The following IGF2BP2 variants were observed in gnomAD, a reference collection of about 807,000 sequenced individuals.
IGF2BP2 encodes insulin like growth factor 2 mRNA binding protein 2, also known as insulin-like growth factor 2 mRNA-binding protein 2.
In IGF2BP2, 17 loss-of-function variants were observed where a neutral mutation model predicts 75.8. That is an observed-to-expected ratio of 0.22 (90% CI 0.15 to 0.34). The LOEUF (loss-of-function observed/expected upper bound fraction) is 0.34, where lower values mean the gene tolerates loss of function less well. Among genes scored for constraint, IGF2BP2 ranks in the 10% least tolerant of loss-of-function variants. IGF2BP2 has a pLI of 1.00. For synonymous variants in IGF2BP2, 288 were observed against 295.6 expected, an observed-to-expected ratio of 0.97 and a Z score of 0.26; for missense variants, 516 against 772.4, an observed-to-expected ratio of 0.67 and a Z score of 3.93.
intron 10 of IGF2BP2, among the ~76,000 whole-genome samples, chr3:185,668,670 C>G (rs2149191583): frequency 6.6e-6 from 1 of 150,584 alleles, no homozygotes; most frequent in African/African-American, 2.4e-5. Context: ...CATAAGACAC[C>G]ACAAATAAAG....
At chr3:185,747,412 C>T (rs541771519) in intron 2 of IGF2BP2, among the ~76,000 whole-genome samples, 21 of 152,224 alleles carry the variant, frequency 1.4e-4, no homozygotes, top group Non-Finnish European at 2.2e-4. Context: ...GGTGCAGTGG[C>T]TCACACCTGT....
intron 4 of IGF2BP2, among the ~76,000 whole-genome samples, chr3:185,694,944 A>T (rs905176077): frequency 6.6e-6 from 1 of 152,094 alleles, no homozygotes. Flanking sequence ...AAAATTAGCC[A>T]GGCATGGTGG....
intron 2 of IGF2BP2, among the ~76,000 whole-genome samples, chr3:185,796,901 C>T (rs569476501): frequency 3.3e-5 from 5 of 152,250 alleles, no homozygotes; most frequent in Admixed American, 6.5e-5. Flanking sequence ...AGCAACATAC[C>T]GTTGTCATCA....
intron 10 of IGF2BP2, among the ~76,000 whole-genome samples, chr3:185,658,804 T>C (rs1483056107): frequency 1.3e-5 from 2 of 152,062 alleles, no homozygotes; most frequent in Non-Finnish European, 2.9e-5. Flanking sequence ...TTCTGGAGAA[T>C]GATGAGTCGT....
intron 2 of IGF2BP2, among the ~76,000 whole-genome samples, chr3:185,710,813 T>G (rs1222236888): frequency 6.6e-6 from 1 of 151,966 alleles, no homozygotes; most frequent in African/African-American, 2.4e-5. Flanking sequence ...AAAAGGAAAT[T>G]TTTTACGCTA....
At position 185,783,673 on chromosome 3, in the gene IGF2BP2, T is replaced by C. The variant is rs189720334; in HGVS notation, c.239+39480A>G. ...TTGTGCATAACCAGTAGCTCAGCTA[T>C]GCTTCCCCATCTATGATGTAAATCT... On this transcript the variant is annotated intron_variant, in intron 2 of 15. Transcript: ENST00000382199. Among the ~76,000 whole-genome samples, 18 of 152,352 alleles carry C rather than the reference T, an allele frequency of 1.2e-4. No individual in the cohort carries two copies. The East Asian group carries it at 3.3e-3, about 28-fold the overall frequency.
chr3:185,654,642 G>A (rs951687616), intron 12 of IGF2BP2, among the ~76,000 whole-genome samples: 14 of 152,294 alleles, frequency 9.2e-5, no homozygotes, highest in South Asian at 2.1e-4. Flanking sequence ...GTGCAGTTTT[G>A]GAATGTCATT....
intron 2 of IGF2BP2, among the ~76,000 whole-genome samples, chr3:185,775,216 T>G (rs1003722307): frequency 6.6e-6 from 1 of 152,214 alleles, no homozygotes; most frequent in East Asian, 1.9e-4. Context: ...AATACCTGCC[T>G]TGTGAGAGCT....
intron 2 of IGF2BP2, among the ~76,000 whole-genome samples, chr3:185,733,088 T>A (rs1281547886): frequency 1.3e-5 from 2 of 152,228 alleles, no homozygotes; most frequent in African/African-American, 4.8e-5. Context: ...ACAATAAAGC[T>A]GATAGTCATA....
At chr3:185,722,471 GGATTT>G (rs1187827014) in intron 2 of IGF2BP2, 1 of 300,054 alleles carries the variant, frequency 3.3e-6, no homozygotes, top group Non-Finnish European at 6.5e-6. Context: ...CAGTATTGAT[GGATTT>G]AAGTTTTCAA....
intron 2 of IGF2BP2, among the ~76,000 whole-genome samples, chr3:185,719,098 T>G (rs528546297): frequency 1.3e-5 from 2 of 151,966 alleles, no homozygotes; most frequent in East Asian, 3.9e-4. Context: ...CAAGAGAAAA[T>G]AGGGTACATC....
At chr3:185,747,292 T>C (rs144988122) in intron 2 of IGF2BP2, among the ~76,000 whole-genome samples, 22 of 152,296 alleles carry the variant, frequency 1.4e-4, no homozygotes, top group Non-Finnish European at 3.2e-4. Context: ...ATTTATCACT[T>C]TTTCTCACTA....
intron 2 of IGF2BP2, among the ~76,000 whole-genome samples, chr3:185,705,435 CCAG>C (rs2149390649): frequency 6.6e-6 from 1 of 152,224 alleles, no homozygotes; most frequent in Non-Finnish European, 1.5e-5. Flanking sequence ...AGTTATGAAC[CCAG>C]TAACTTCCCT....
intron 2 of IGF2BP2, among the ~76,000 whole-genome samples, chr3:185,775,005 G>A (rs1287372832): frequency 6.6e-6 from 1 of 151,586 alleles, no homozygotes; most frequent in East Asian, 1.9e-4. Flanking sequence ...GGGCAACAGA[G>A]TCAGACTCCG....
chr3:185,782,474 T>C (rs1389514352), intron 2 of IGF2BP2, among the ~76,000 whole-genome samples: 2 of 152,094 alleles, frequency 1.3e-5, no homozygotes, highest in African/African-American at 4.8e-5. Flanking sequence ...AATTAACCTT[T>C]TGGGCATGGT....
intron 2 of IGF2BP2, among the ~76,000 whole-genome samples, chr3:185,815,126 T>C (rs1201245202): frequency 6.6e-6 from 1 of 152,148 alleles, no homozygotes; most frequent in African/African-American, 2.4e-5. Context: ...TTTTTACACT[T>C]AACTGTCAAC....
chr3:185,739,499 T>G (rs981031299), intron 2 of IGF2BP2, among the ~76,000 whole-genome samples: 7 of 152,222 alleles, frequency 4.6e-5, no homozygotes, highest in Non-Finnish European at 4.4e-5. Context: ...TGAATCTAAA[T>G]GACAGCCTGG....
intron 6 of IGF2BP2, 117 bp downstream of exon 6, chr3:185,689,238 C>T (rs1721570837): frequency 1.8e-6 from 2 of 1,084,622 alleles, no homozygotes; most frequent in Non-Finnish European, 2.7e-6. Context: ...GCCACTGTCT[C>T]TTACAGCACA....
At chr3:185,823,034 C>T (rs567835987) in intron 2 of IGF2BP2, 119 bp downstream of exon 2, 255 of 587,032 alleles carry the variant, frequency 4.3e-4, no homozygotes, top group Admixed American at 1.1e-3. Context: ...TCTCCACTAA[C>T]AAAACAAACA....
Sources: gnomAD v4.1 joint callset for allele counts (sites outside exome capture counted in the v4.1 genomes callset) on GRCh38, gnomAD v4.1.1 for gene constraint, MANE v1.5 for transcripts, NCBI Gene and HGNC (gene_info 2026-07-23, HGNC 2026-07-21) for gene names.